SAMD5: variants seen among roughly 807,000 people sequenced by gnomAD.
SAMD5 encodes the protein sterile alpha motif domain containing 5.
In SAMD5, 13 loss-of-function variants were observed where a neutral mutation model predicts 11.3. That is an observed-to-expected ratio of 1.15 (90% CI 0.75 to 1.83). The LOEUF is 1.83. Among genes scored for constraint, SAMD5 ranks in the 40% most tolerant of loss-of-function variants. The probability of loss-of-function intolerance (pLI) is 0.00; values close to 1 mark genes in which losing one functional copy is unlikely to be tolerated. For missense variants in SAMD5, 255 were observed against 239.1 expected (o/e 1.07, Z -0.44); for synonymous variants, 129 against 111.3 (o/e 1.16, Z -1.00).
At chr6:147,807,873 A>G in the SAMD5 span, among the ~76,000 whole-genome samples, 6 of 152,374 alleles carry the variant, frequency 3.9e-5, no homozygotes, top group African/African-American at 1.4e-4. Flanking sequence ...TTTCAATAAT[A>G]TAGCACTTAG....
At chr6:147,866,931 A>C in the SAMD5 span, among the ~76,000 whole-genome samples, 1 of 152,178 alleles carries the variant, frequency 6.6e-6, no homozygotes, top group African/African-American at 2.4e-5. Context: ...GTTCATACAG[A>C]GCTGTTAAAG....
chr6:147,525,562 C>A (rs746284500), intron 1 of SAMD5, among the ~76,000 whole-genome samples: 1 of 151,824 alleles, frequency 6.6e-6, no homozygotes, highest in Non-Finnish European at 1.5e-5. Flanking sequence ...TAACTTTTCC[C>A]GCTTGTGACT....
chr6:147,790,769 T>TG, the SAMD5 span, among the ~76,000 whole-genome samples: 1 of 87,018 alleles, frequency 1.1e-5, no homozygotes, highest in Non-Finnish European at 2.2e-5. Flanking sequence ...TCTCTCTCTC[T>TG]TTCTCTCTCT....
chr6:147,642,750 T>C (rs1047858527), intron 1 of SAMD5, among the ~76,000 whole-genome samples: 1 of 152,142 alleles, frequency 6.6e-6, no homozygotes, highest in African/African-American at 2.4e-5. Flanking sequence ...CTATAAATAA[T>C]CCCAAACTAA....
At chr6:147,770,499 A>C in the SAMD5 span, among the ~76,000 whole-genome samples, 1 of 152,186 alleles carries the variant, frequency 6.6e-6, no homozygotes, top group African/African-American at 2.4e-5. Context: ...ATAAAACTGA[A>C]ATGATTTTAT....
the SAMD5 span, among the ~76,000 whole-genome samples, chr6:147,840,072 G>A: frequency 0.042 from 6,422 of 152,246 alleles, 446 homozygotes; most frequent in African/African-American, 0.15. Flanking sequence ...TCCTTTTCAT[G>A]ATGAGCTTTA....
At chr6:147,801,066 C>T in the SAMD5 span, among the ~76,000 whole-genome samples, 1 of 151,900 alleles carries the variant, frequency 6.6e-6, no homozygotes, top group East Asian at 1.9e-4. Context: ...TAATGTAATT[C>T]GTAGAAAGAA....
chr6:147,596,351 A>T lies in SAMD5; in HGVS notation c.162+86964A>T, dbSNP rs75749382. The stretch of plus-strand genomic sequence containing the variant: ...ACTTTCTTATAAAATATTCTCAAGC[A>T]TTAAACTTAGTATGATTTTTAAACA... On this transcript the variant is annotated intron_variant, in intron 1 of 1. Transcript: ENST00000566741. Among the ~76,000 whole-genome samples, 6 of 152,362 alleles carry T rather than the reference A, an allele frequency of 3.9e-5. No individual in the cohort carries two copies. In the East Asian group the frequency reaches 9.6e-4, roughly 24 times the overall value.
In SAMD5 at chr6:147,508,881, C is replaced by G. The variant is rs769482646; in HGVS notation, c.-48C>G. ...TTCCAAGAACTGGTGCCGCCCGTGC[C>G]ATTTGGGCGCTGGGAAGGTGCTCGG... is the stretch of plus-strand genomic sequence containing the variant. On this transcript the variant is annotated 5_prime_UTR_variant, in exon 1 of 2. Coordinates refer to ENST00000367474, the MANE Select transcript of SAMD5 (RefSeq NM_001030060.3). The G allele has an allele frequency of 3.8e-6, 6 of 1,579,704 alleles. No homozygotes were observed. Among genetic ancestry groups the G allele is most frequent in the South Asian group, 3.5e-5 (3 of 86,514 alleles).
intron 1 of SAMD5, among the ~76,000 whole-genome samples, chr6:147,700,465 C>T (rs1452012712): frequency 2.0e-5 from 3 of 152,132 alleles, no homozygotes; most frequent in South Asian, 4.1e-4. Flanking sequence ...GATTTTTTCC[C>T]CCCAGATATT....
chr6:147,590,916 A>G (rs1443303384), intron 1 of SAMD5, among the ~76,000 whole-genome samples: 1 of 152,222 alleles, frequency 6.6e-6, no homozygotes, highest in East Asian at 1.9e-4. Context: ...AGGACTTAAG[A>G]TTATTTTGAC....
intron 1 of SAMD5, among the ~76,000 whole-genome samples, chr6:147,714,930 GA>G (rs1160311557): frequency 6.6e-6 from 1 of 152,138 alleles, no homozygotes; most frequent in East Asian, 1.9e-4. Flanking sequence ...TATTAATCCT[GA>G]TGATTGTTTA....
At chr6:147,877,896 T>A in the SAMD5 span, among the ~76,000 whole-genome samples, 3 of 54,230 alleles carry the variant, frequency 5.5e-5, no homozygotes, top group African/African-American at 3.1e-4. Context: ...GATAGATAGC[T>A]AGATAGATAG....
intron 1 of SAMD5, among the ~76,000 whole-genome samples, chr6:147,647,894 A>G (rs1482867945): frequency 2.0e-5 from 3 of 152,206 alleles, no homozygotes; most frequent in Admixed American, 2.0e-4. Context: ...CAATTTAGGT[A>G]ACAGAGTGTT....
chr6:147,802,383 G>A, the SAMD5 span, among the ~76,000 whole-genome samples: 1 of 150,644 alleles, frequency 6.6e-6, no homozygotes, highest in Non-Finnish European at 1.5e-5. Context: ...CACTAGAATG[G>A]CTAAAATTAA....
At chr6:147,622,633 G>A (rs1789987598) in intron 1 of SAMD5, among the ~76,000 whole-genome samples, 1 of 152,166 alleles carries the variant, frequency 6.6e-6, no homozygotes, top group South Asian at 2.1e-4. Context: ...ACTCATCCCT[G>A]GTGAAAATGG....
the SAMD5 span, among the ~76,000 whole-genome samples, chr6:147,886,178 A>G: frequency 6.6e-6 from 1 of 152,200 alleles, no homozygotes; most frequent in Non-Finnish European, 1.5e-5. Flanking sequence ...GAAAATTAGT[A>G]TCACCATATT....
At chr6:147,864,684 A>G in the SAMD5 span, among the ~76,000 whole-genome samples, 4 of 152,212 alleles carry the variant, frequency 2.6e-5, no homozygotes, top group Admixed American at 6.5e-5. Context: ...TGGTGTGTGA[A>G]TATAAGCCTT....
chr6:147,840,275 C>T, the SAMD5 span, among the ~76,000 whole-genome samples: 2 of 152,226 alleles, frequency 1.3e-5, no homozygotes, highest in African/African-American at 4.8e-5. Flanking sequence ...ATTCGTTCTA[C>T]AAACACTTAT....
Sources: gnomAD v4.1 joint callset for allele counts (sites outside exome capture counted in the v4.1 genomes callset) on GRCh38, gnomAD v4.1.1 for gene constraint, MANE v1.5 for transcripts, NCBI Gene and HGNC (gene_info 2026-07-23, HGNC 2026-07-21) for gene names.